The following STK32A variants were observed in gnomAD, a reference collection of about 807,000 sequenced individuals.
The protein encoded by STK32A is serine/threonine-protein kinase 32A.
A neutral mutation model predicts 53.2 loss-of-function variants in STK32A; 41 were observed. The ratio of observed to expected loss-of-function variants is 0.77; its 90% CI spans 0.60 to 1.00. The LOEUF (loss-of-function observed/expected upper bound fraction) is 1.00. Ranked by LOEUF, STK32A falls within the 50% of genes least tolerant of loss-of-function variation. The probability of loss-of-function intolerance (pLI) is 0.00; values close to 1 mark genes in which losing one functional copy is unlikely to be tolerated. For missense variants in STK32A, 458 were observed against 485.8 expected (o/e 0.94, Z 0.54); for synonymous variants, 166 against 162.8 (o/e 1.02, Z -0.15).
intron 4 of STK32A, among the ~76,000 whole-genome samples, chr5:147,309,804 G>A (rs999141955): frequency 3.9e-5 from 6 of 152,070 alleles, no homozygotes; most frequent in Non-Finnish European, 5.9e-5. Flanking sequence ...ATGATGACAC[G>A]TTCCATTTCT....
chr5:147,395,114 G>A, the STK32A span, among the ~76,000 whole-genome samples: 1 of 152,210 alleles, frequency 6.6e-6, no homozygotes. Flanking sequence ...TACTAGGAAT[G>A]GGAGAATATA....
intron 2 of STK32A, among the ~76,000 whole-genome samples, chr5:147,243,062 T>TA (rs1753643338): frequency 6.6e-6 from 1 of 152,264 alleles, no homozygotes; most frequent in Admixed American, 6.5e-5. Context: ...CTTAATTATT[T>TA]AAAAAATATT....
chr5:147,335,209 C>T lies in STK32A; in HGVS notation c.435-7797C>T, dbSNP rs571763136. 6.6e-5 allele frequency among the ~76,000 whole-genome samples: 10 copies of T among 152,228 alleles called. No homozygotes were observed. The South Asian group carries it at 8.3e-4, about 13-fold the overall frequency. ...CATGTACCATTTAACTAAATCATTA[C>T]GACTCTATAAAGTAGATATGATTAT... On this transcript the variant is annotated intron_variant, in intron 5 of 12. Transcript: ENST00000397936.
intron 2 of STK32A, among the ~76,000 whole-genome samples, chr5:147,255,211 CTCATA>C (rs1754177088): frequency 6.6e-6 from 1 of 152,174 alleles, no homozygotes; most frequent in African/African-American, 2.4e-5. Context: ...AAATTTAGAA[CTCATA>C]TCTAACAATC....
intron 5 of STK32A, among the ~76,000 whole-genome samples, chr5:147,334,955 G>GT (rs905217079): frequency 3.9e-5 from 6 of 152,320 alleles, no homozygotes; most frequent in African/African-American, 7.2e-5. Flanking sequence ...TATATACTAT[G>GT]TTTTTTCCCT....
chr5:147,378,713 G>A (rs1344236015), intron 11 of STK32A, among the ~76,000 whole-genome samples: 2 of 151,950 alleles, frequency 1.3e-5, no homozygotes, highest in Non-Finnish European at 2.9e-5. Flanking sequence ...TGAGCTCTCT[G>A]AGTTCTCTAT....
rs1408478291 is a variant in STK32A, at chr5:147,245,330, A to G, written c.52+5644A>G. ...CATATGGATATTCTGAGAAATAATT[A>G]ATGATGCAGAAAACCATTTTTTGTT... On this transcript the variant is annotated intron_variant, in intron 2 of 12. Transcript: ENST00000397936. 4.6e-5 allele frequency among the ~76,000 whole-genome samples: 7 copies of G among 152,214 alleles called. No homozygotes were observed. The East Asian group carries it at 1.3e-3, about 29-fold the overall frequency.
chr5:147,330,568 G>A (rs1413391285), intron 5 of STK32A, among the ~76,000 whole-genome samples: 1 of 152,206 alleles, frequency 6.6e-6, no homozygotes, highest in Non-Finnish European at 1.5e-5. Context: ...CTGCATCACA[G>A]TTCCATACCA....
At position 147,384,205 on chromosome 5, in the gene STK32A, T is replaced by C. The variant is rs753354739; in HGVS notation, c.*222T>C. 18 of 1,398,030 alleles carry C rather than the reference T, an allele frequency of 1.3e-5. No homozygotes were observed. Among genetic ancestry groups the C allele is most frequent in the Non-Finnish European group, 1.7e-5 (18 of 1,079,652 alleles). The allele number at this position is 1,398,030 out of a possible 1,614,324, so 86.6% of individuals were successfully genotyped here. A position where few individuals can be genotyped will look rare whatever the true frequency, so the allele number is the denominator to read the frequency against. On this transcript the variant is annotated 3_prime_UTR_variant, in exon 13 of 13. Transcript: ENST00000397936. ...AACTGTGTGATCTAGAGCAAGTCACTTAGCCACTTTCTGTGCTTTACTTTA... is the reference window on the plus strand; with the variant it reads ...AACTGTGTGATCTAGAGCAAGTCACCTAGCCACTTTCTGTGCTTTACTTTA...
At chr5:147,344,547 A>T (rs2151989777) in intron 6 of STK32A, among the ~76,000 whole-genome samples, 1 of 152,316 alleles carries the variant, frequency 6.6e-6, no homozygotes, top group South Asian at 2.1e-4. Flanking sequence ...CTGAGGCAGG[A>T]GGATCGCTTG....
the STK32A span, chr5:147,400,628 A>T: frequency 6.4e-7 from 1 of 1,570,138 alleles, no homozygotes; most frequent in Non-Finnish European, 8.7e-7. Context: ...TGGTGGCAGG[A>T]GGTTCTGATC....
intron 4 of STK32A, among the ~76,000 whole-genome samples, chr5:147,284,615 G>A (rs541837464): frequency 1.9e-4 from 29 of 150,226 alleles, no homozygotes; most frequent in African/African-American, 6.6e-4. Context: ...TACACCAACA[G>A]CAACCAAGTA....
intron 2 of STK32A, 80 bp from the exon 3 acceptor site, chr5:147,278,044 T>G: frequency 3.3e-6 from 4 of 1,222,104 alleles, no homozygotes. Flanking sequence ...ATACTTCAGT[T>G]TAGTCCAATC....
intron 7 of STK32A, among the ~76,000 whole-genome samples, chr5:147,356,043 A>G (rs1416569568): frequency 6.6e-6 from 1 of 152,128 alleles, no homozygotes; most frequent in Non-Finnish European, 1.5e-5. Flanking sequence ...TAAGTTTTTA[A>G]CATTTATTAT....
chr5:147,366,621 T>G lies in STK32A; in HGVS notation c.661-4033T>G, dbSNP rs537621805. On this transcript the variant is annotated intron_variant, in intron 8 of 12. Transcript: ENST00000397936. ...TTTACTTTATGTATCCTGTGAATCT[T>G]TGGAATCTAAGCTTATTAGAAAATA... 3.9e-5 allele frequency among the ~76,000 whole-genome samples: 6 copies of G among 152,326 alleles called. No homozygotes were observed. In the South Asian group the frequency reaches 1.2e-3, roughly 32 times the overall value.
chr5:147,284,696 C>CAAAAAAAAAAAAAAA (rs869167577), intron 4 of STK32A, among the ~76,000 whole-genome samples: 2 of 51,634 alleles, frequency 3.9e-5, no homozygotes, highest in African/African-American at 1.4e-4. Context: ...CAAGACAAAA[C>CAAAAAAAAAAAAAAA]AAAAAAACAA....
In STK32A at chr5:147,347,559, G is replaced by T. The variant is rs140309540; in HGVS notation, c.473-3506G>T. On this transcript the variant is annotated intron_variant, in intron 6 of 12. Coordinates refer to ENST00000397936, the MANE Select transcript of STK32A (RefSeq NM_001112724.2). ...TGGGTAGAGGCCGGGATGCTAGCAT[G>T]CATCCTGCAATGCACAGGACAGTTC... 2.6e-5 allele frequency among the ~76,000 whole-genome samples: 4 copies of T among 152,242 alleles called. No homozygotes were observed. In the East Asian group the frequency reaches 7.7e-4, roughly 29 times the overall value.
At chr5:147,342,850 C>T (rs1057064183) in intron 5 of STK32A, 156 bp from the exon 6 acceptor site, 2 of 624,346 alleles carry the variant, frequency 3.2e-6, no homozygotes, top group Admixed American at 3.1e-5. Context: ...TTTTCTGTCT[C>T]ATAAATTTAC....
At chr5:147,337,931 G>A (rs921963233) in intron 5 of STK32A, among the ~76,000 whole-genome samples, 2 of 152,154 alleles carry the variant, frequency 1.3e-5, no homozygotes, top group Non-Finnish European at 2.9e-5. Flanking sequence ...AAGGAAGTGA[G>A]AATAAGGAAA....
Sources: allele counts gnomAD v4.1 joint callset (sites outside exome capture counted in the v4.1 genomes callset), GRCh38; gene constraint gnomAD v4.1.1; transcripts MANE v1.5; gene names NCBI Gene and HGNC (gene_info 2026-07-23, HGNC 2026-07-21).